PTPN3: variants seen among roughly 807,000 people sequenced by gnomAD.
PTPN3 encodes tyrosine-protein phosphatase non-receptor type 3.
PTPN3 carries 96 observed loss-of-function variants against 132.7 expected under a neutral mutation model. The ratio of observed to expected loss-of-function variants is 0.72; its 90% CI spans 0.61 to 0.86. The LOEUF is 0.86. Ranked by LOEUF, PTPN3 falls within the 40% of genes least tolerant of loss-of-function variation. The pLI is 0.00. For missense variants in PTPN3, 1,125 were observed against 1,159.6 expected, an observed-to-expected ratio of 0.97 and a Z score of 0.43; for synonymous variants, 398 against 429.0, an observed-to-expected ratio of 0.93 and a Z score of 0.89.
chr9:109,455,290 CA>C (rs1311144246), intron 4 of PTPN3, among the ~76,000 whole-genome samples: 1 of 152,200 alleles, frequency 6.6e-6, no homozygotes, highest in Non-Finnish European at 1.5e-5. Flanking sequence ...CATTTCTTCT[CA>C]CAGAGACGGC....
intron 22 of PTPN3, among the ~76,000 whole-genome samples, chr9:109,388,536 G>C (rs1309488075): frequency 3.3e-5 from 5 of 152,176 alleles, no homozygotes; most frequent in Non-Finnish European, 5.9e-5. Flanking sequence ...ACAAAAAAGA[G>C]GGGCTGTCAG....
chr9:109,399,935 G>C (rs1840936327), intron 19 of PTPN3, among the ~76,000 whole-genome samples: 1 of 147,766 alleles, frequency 6.8e-6, no homozygotes, highest in Non-Finnish European at 1.5e-5. Context: ...GCACAACACA[G>C]TTACCTTTTT....
rs530388616 is a variant in PTPN3, at chr9:109,409,873, C to A, written c.1578+126G>T. 1.4e-3 allele frequency: 2,010 copies of A among 1,416,412 alleles called. 20 individuals are homozygous for A. The highest frequency in any genetic ancestry group is 0.011 in the Middle Eastern group (42 of 3,904). The allele number at this position is 1,416,412 out of a possible 1,614,324, so 87.7% of individuals were successfully genotyped here. A position where few individuals can be genotyped will look rare whatever the true frequency, so the allele number is the denominator to read the frequency against. On this transcript the variant is annotated intron_variant, in intron 16 of 25. Transcript: ENST00000374541. The stretch of plus-strand genomic sequence containing the variant: ...AAAAACAAAAAAAACCCCCAACTCT[C>A]AATTCTGAGGGTTGAACCAACTTCC...
chr9:109,438,249 G>T lies in PTPN3; in HGVS notation c.467-15C>A. 1 of 1,603,868 alleles carries T rather than the reference G, an allele frequency of 6.2e-7. No homozygotes were observed. Among genetic ancestry groups the T allele is most frequent in the South Asian group, 1.1e-5 (1 of 88,810 alleles). On this transcript the variant is annotated splice_polypyrimidine_tract_variant and intron_variant, in intron 7 of 25. Transcript: ENST00000374541. ...TCCAAAATGAGCTATCAAGACAGAA[G>T]AAGGGGAAAATCATAATTAGTTTTG... is the stretch of plus-strand genomic sequence containing the variant.
At chr9:109,521,001 T>A in the PTPN3 span, among the ~76,000 whole-genome samples, 1 of 152,158 alleles carries the variant, frequency 6.6e-6, no homozygotes, top group Non-Finnish European at 1.5e-5. Flanking sequence ...CTGGCATTAC[T>A]CACCTTGATA....
intron 19 of PTPN3, among the ~76,000 whole-genome samples, chr9:109,403,315 A>G (rs188207913): frequency 1.1e-4 from 17 of 152,270 alleles, no homozygotes; most frequent in African/African-American, 4.1e-4. Flanking sequence ...AGTCACACAC[A>G]TTTCACAAAT....
In PTPN3 at chr9:109,396,778, T is replaced by C. The variant is rs924004778; in HGVS notation, c.1954-5217A>G. 4.6e-5 allele frequency among the ~76,000 whole-genome samples: 7 copies of C among 152,306 alleles called. No individual in the cohort carries two copies. In the East Asian group the frequency reaches 1.4e-3, roughly 29 times the overall value. On this transcript the variant is annotated intron_variant, in intron 19 of 25. Transcript: ENST00000374541. The stretch of plus-strand genomic sequence containing the variant: ...AATGGTGGGAGCAGATGCTCTCCAA[T>C]GTGGTAGGGGTGCAATGGATGGTTT...
chr9:109,386,363 G>A (rs943444288), intron 22 of PTPN3, among the ~76,000 whole-genome samples: 138 of 152,172 alleles, frequency 9.1e-4, no homozygotes, highest in African/African-American at 3.3e-3. Context: ...AAATTTAGAA[G>A]GCTTCATGGT....
At chr9:109,381,407 C>T (rs530784571) in intron 25 of PTPN3, among the ~76,000 whole-genome samples, 53 of 152,290 alleles carry the variant, frequency 3.5e-4, no homozygotes, top group African/African-American at 1.2e-3. Context: ...GATTGTTCAA[C>T]GATACAGAAT....
intron 4 of PTPN3, among the ~76,000 whole-genome samples, chr9:109,455,466 T>C (rs572186095): frequency 6.6e-6 from 1 of 152,336 alleles, no homozygotes; most frequent in African/African-American, 2.4e-5. Context: ...CTCCTCTACC[T>C]GAGATCATCC....
intron 1 of PTPN3, among the ~76,000 whole-genome samples, chr9:109,482,474 T>C (rs1479307973): frequency 5.3e-5 from 8 of 152,236 alleles, no homozygotes; most frequent in Non-Finnish European, 1.0e-4. Flanking sequence ...GTTTTTCTAT[T>C]CTTTCAACTT....
At position 109,463,358 on chromosome 9, in the gene PTPN3, C is replaced by A. The variant is rs539799147; in HGVS notation, c.77G>T (p.Arg26Leu). 3 of 1,613,788 alleles carry A rather than the reference C, an allele frequency of 1.9e-6. No homozygotes were observed. Among genetic ancestry groups the A allele is most frequent in the East Asian group, 2.2e-5 (1 of 44,832 alleles). ...GTGGATGCTGCAAATGACTTCTGATCGAGTTTTCTCTTTGGGTAACTCCGA... is the reference window on the plus strand; with the variant it reads ...GTGGATGCTGCAAATGACTTCTGATAGAGTTTTCTCTTTGGGTAACTCCGA... ...RTSELPKEKT[R>L]SEVICSIHFL... Residue 26 changes from arginine (R) to leucine (L), a missense_variant, in exon 2 of 26, where the codon CGA becomes CTA. Arg to Leu is a moderately radical substitution (Grantham distance 102, BLOSUM62 -2). Transcript: ENST00000374541.
At chr9:109,383,081 A>G (rs1203234761) in intron 23 of PTPN3, among the ~76,000 whole-genome samples, 1 of 152,148 alleles carries the variant, frequency 6.6e-6, no homozygotes, top group African/African-American at 2.4e-5. Flanking sequence ...TGTCTGGCTT[A>G]TTTCACTTAG....
chr9:109,491,154 C>T (rs1230642284), intron 1 of PTPN3, among the ~76,000 whole-genome samples: 1 of 150,830 alleles, frequency 6.6e-6, no homozygotes, highest in African/African-American at 2.4e-5. Flanking sequence ...TGAGATCACA[C>T]CACTGCACTC....
chr9:109,412,933 CCCTAA>C (rs1409216773), intron 14 of PTPN3, among the ~76,000 whole-genome samples: 12 of 148,922 alleles, frequency 8.1e-5, no homozygotes, highest in Admixed American at 6.0e-4. Context: ...TCATTTTATG[CCCTAA>C]CCTATTTTTT....
chr9:109,441,173 A>G (rs528593909), intron 7 of PTPN3, among the ~76,000 whole-genome samples: 4 of 152,212 alleles, frequency 2.6e-5, no homozygotes, highest in South Asian at 2.1e-4. Flanking sequence ...CCATTTTCCT[A>G]TCTGTGAGAA....
At chr9:109,408,796 A>AAATATATATATATAT (rs1377996219) in intron 16 of PTPN3, among the ~76,000 whole-genome samples, 2 of 108,374 alleles carry the variant, frequency 1.8e-5, no homozygotes, top group African/African-American at 7.4e-5. Context: ...AAAAAAAAAA[A>AAATATATATATATAT]ATATATATAT....
chr9:109,386,474 G>A (rs1025034794), intron 22 of PTPN3, among the ~76,000 whole-genome samples: 1 of 152,152 alleles, frequency 6.6e-6, no homozygotes, highest in East Asian at 1.9e-4. Flanking sequence ...CTCTCGAATC[G>A]GTGTTGGGGG....
chr9:109,414,351 C>T (rs1189598216), intron 14 of PTPN3, among the ~76,000 whole-genome samples: 3 of 152,182 alleles, frequency 2.0e-5, no homozygotes, highest in East Asian at 1.9e-4. Context: ...TTCTGCATTC[C>T]GACCAGCTCT....
Sources: allele counts gnomAD v4.1 joint callset (sites outside exome capture counted in the v4.1 genomes callset), GRCh38; gene constraint gnomAD v4.1.1; transcripts MANE v1.5; gene names NCBI Gene and HGNC (gene_info 2026-07-23, HGNC 2026-07-21).